Variants in PATJ observed in about 807,000 individuals in gnomAD.
The protein encoded by PATJ is inaD-like protein.
Under a neutral mutation model 224.9 loss-of-function variants are expected in PATJ, and 190 were observed. That is an observed-to-expected ratio of 0.84 (90% confidence interval 0.75 to 0.95). The LOEUF (loss-of-function observed/expected upper bound fraction) is 0.95, where lower values mean the gene tolerates loss of function less well. Among genes scored for constraint, PATJ ranks in the 40% least tolerant of loss-of-function variants. PATJ has a pLI of 0.00. For synonymous variants in PATJ, 769 were observed against 820.3 expected, an observed-to-expected ratio of 0.94 and a Z score of 1.07; for missense variants, 2,121 against 2,270.3, an observed-to-expected ratio of 0.93 and a Z score of 1.34.
At chr1:62,056,246 T>C (rs1054942590) in intron 31 of PATJ, among the ~76,000 whole-genome samples, 4 of 152,172 alleles carry the variant, frequency 2.6e-5, no homozygotes, top group African/African-American at 9.7e-5. Flanking sequence ...ATACCTAAAG[T>C]TCACCATCAT....
chr1:62,010,096 A>G (rs1646351008), intron 28 of PATJ, among the ~76,000 whole-genome samples: 1 of 142,718 alleles, frequency 7.0e-6, no homozygotes, highest in Non-Finnish European at 1.6e-5. Context: ...AAAAAAAAAA[A>G]GAAAGAAAGA....
intron 25 of PATJ, among the ~76,000 whole-genome samples, chr1:61,911,481 C>G (rs1557863979): frequency 6.6e-6 from 1 of 151,784 alleles, no homozygotes; most frequent in African/African-American, 2.4e-5. Flanking sequence ...CAAAGTGAGC[C>G]ACCGCACCTA....
At chr1:62,118,717 C>T (rs1228724773) in intron 37 of PATJ, among the ~76,000 whole-genome samples, 2 of 152,102 alleles carry the variant, frequency 1.3e-5, no homozygotes, top group Non-Finnish European at 2.9e-5. Flanking sequence ...GTAATCTTCG[C>T]CTCCCGGGTT....
intron 17 of PATJ, among the ~76,000 whole-genome samples, chr1:61,842,606 A>G (rs1661280926): frequency 1.3e-5 from 2 of 152,224 alleles, no homozygotes; most frequent in East Asian, 1.9e-4. Flanking sequence ...TGGAATGGCC[A>G]TGGAGAGCTA....
Position 62,146,573 on chromosome 1 carries a change from C to T in PATJ, c.5272-1711C>T, listed in dbSNP as rs530893163. ...GGCAGATCACCTCAGGTCAGAAGTT[C>T]GAGACCAGTCTGACCAACATGGAGA... On this transcript the variant is annotated intron_variant, in intron 41 of 43. Coordinates refer to ENST00000642238, the MANE Select transcript of PATJ (RefSeq NM_001350145.3). 3.9e-5 allele frequency among the ~76,000 whole-genome samples: 6 copies of T among 152,092 alleles called. No individual in the cohort carries two copies. In the South Asian group the frequency reaches 8.3e-4, roughly 21 times the overall value.
At chr1:62,073,375 C>T (rs924742264) in intron 31 of PATJ, 8 of 963,092 alleles carry the variant, frequency 8.3e-6, no homozygotes, top group Non-Finnish European at 9.9e-6. Context: ...GTAATCCCAC[C>T]ACTTTGGGAG....
At chr1:62,014,562 C>CTT (rs35711547) in intron 28 of PATJ, among the ~76,000 whole-genome samples, 12,412 of 84,564 alleles carry the variant, frequency 0.15, 1,158 homozygotes, top group Middle Eastern at 0.27. Context: ...CTTTTCTTTC[C>CTT]TTTTTTTTTT....
chr1:61,795,121 AAG>A (rs1491287749), intron 9 of PATJ, among the ~76,000 whole-genome samples: 2 of 150,932 alleles, frequency 1.3e-5, no homozygotes, highest in African/African-American at 2.4e-5. Context: ...AAAAAAAAAA[AAG>A]AAGTTTTATG....
At chr1:61,998,056 TATAATAAA>T (rs1180354287) in intron 28 of PATJ, among the ~76,000 whole-genome samples, 4 of 136,138 alleles carry the variant, frequency 2.9e-5, no homozygotes, top group Non-Finnish European at 6.1e-5. Context: ...ATATATTATA[TATAATAAA>T]TATATATTAT....
chr1:61,898,067 G>A (rs1571180999), intron 22 of PATJ, among the ~76,000 whole-genome samples: 1 of 152,130 alleles, frequency 6.6e-6, no homozygotes, highest in Non-Finnish European at 1.5e-5. Context: ...GAGTTTTGCT[G>A]CATTTTATAA....
intron 21 of PATJ, 109 bp downstream of exon 21, chr1:61,875,475 T>A: frequency 1.2e-6 from 1 of 859,438 alleles, no homozygotes; most frequent in African/African-American, 1.7e-5. Flanking sequence ...ATTATGATGC[T>A]TTGAATTTAT....
chr1:61,986,841 G>A (rs1013570678), intron 27 of PATJ, among the ~76,000 whole-genome samples: 2 of 152,020 alleles, frequency 1.3e-5, no homozygotes, highest in African/African-American at 4.8e-5. Context: ...GTTTGTTGGT[G>A]ATAGTTCCAT....
In PATJ at chr1:62,140,203, G is replaced by C. The variant is rs1570775768; in HGVS notation, c.5272-8081G>C. 2.6e-5 allele frequency among the ~76,000 whole-genome samples: 4 copies of C among 152,284 alleles called. No individual in the cohort carries two copies. In the South Asian group the frequency reaches 8.3e-4, roughly 32 times the overall value. On this transcript the variant is annotated intron_variant, in intron 41 of 43. Transcript: ENST00000642238. ...TAGGCAGAAGCGTGGACAACCCCAAGTGTCCTGGGTGGGTCTCTAAGATTC... is the reference window on the plus strand; with the variant it reads ...TAGGCAGAAGCGTGGACAACCCCAACTGTCCTGGGTGGGTCTCTAAGATTC...
At chr1:61,922,637 T>G (rs1449352490) in intron 26 of PATJ, among the ~76,000 whole-genome samples, 1 of 152,214 alleles carries the variant, frequency 6.6e-6, no homozygotes, top group Non-Finnish European at 1.5e-5. Flanking sequence ...GGATTTTTGT[T>G]TCTGACTTCA....
intron 16 of PATJ, among the ~76,000 whole-genome samples, chr1:61,827,847 G>T (rs1658547998): frequency 6.6e-6 from 1 of 152,114 alleles, no homozygotes; most frequent in Non-Finnish European, 1.5e-5. Context: ...TAATTGCCTG[G>T]ATTCATTACT....
intron 9 of PATJ, among the ~76,000 whole-genome samples, chr1:61,794,782 G>A (rs1650690288): frequency 6.6e-6 from 1 of 151,990 alleles, no homozygotes; most frequent in Non-Finnish European, 1.5e-5. Flanking sequence ...GAGGTCAGGA[G>A]TTCAAGACCA....
chr1:62,105,396 G>C (rs998092415), intron 33 of PATJ, among the ~76,000 whole-genome samples: 1 of 152,142 alleles, frequency 6.6e-6, no homozygotes, highest in Non-Finnish European at 1.5e-5. Flanking sequence ...AGTGAAAATA[G>C]GGTATTTGGG....
chr1:61,952,253 T>TGAGAGAGA (rs111315851), intron 27 of PATJ: 3 of 475,082 alleles, frequency 6.3e-6, no homozygotes, highest in African/African-American at 5.0e-5. Context: ...GAACAAAATC[T>TGAGAGAGA]GAGAGAGAGA....
At chr1:62,103,862 C>T (rs1388452715) in intron 33 of PATJ, among the ~76,000 whole-genome samples, 3 of 152,106 alleles carry the variant, frequency 2.0e-5, no homozygotes, top group South Asian at 2.1e-4. Context: ...AAAAGCGGAG[C>T]CCTGGGGAGG....
Sources: gnomAD v4.1 joint callset for allele counts (sites outside exome capture counted in the v4.1 genomes callset) on GRCh38, gnomAD v4.1.1 for gene constraint, MANE v1.5 for transcripts, NCBI Gene and HGNC (gene_info 2026-07-23, HGNC 2026-07-21) for gene names.